The following EPSTI1 variants were observed in gnomAD, a reference collection of about 807,000 sequenced individuals.
The protein encoded by EPSTI1 is epithelial-stromal interaction protein 1.
A neutral mutation model predicts 49.9 loss-of-function variants in EPSTI1; 66 were observed. That is an observed-to-expected ratio of 1.32 (90% CI 1.08 to 1.62). The LOEUF (loss-of-function observed/expected upper bound fraction) is 1.62. Among genes scored for constraint, EPSTI1 ranks in the 40% most tolerant of loss-of-function variants. EPSTI1 has a pLI of 0.00. For missense variants in EPSTI1, 394 were observed against 365.5 expected (o/e 1.08, Z -0.64); for synonymous variants, 137 against 130.7 (o/e 1.05, Z -0.33).
At chr13:42,971,729 C>G (rs2039772981) in intron 1 of EPSTI1, among the ~76,000 whole-genome samples, 1 of 152,208 alleles carries the variant, frequency 6.6e-6, no homozygotes, top group African/African-American at 2.4e-5. Context: ...CACTGATCAA[C>G]AGAAGCCATT....
chr13:42,958,642 A>G (rs1284308036), intron 5 of EPSTI1, among the ~76,000 whole-genome samples: 1 of 152,312 alleles, frequency 6.6e-6, no homozygotes, highest in Admixed American at 6.5e-5. Context: ...AGAGTAAGAA[A>G]AGAGAAAAAT....
intron 1 of EPSTI1, among the ~76,000 whole-genome samples, chr13:42,986,030 T>C (rs539578992): frequency 6.6e-6 from 1 of 152,330 alleles, no homozygotes; most frequent in Admixed American, 6.5e-5. Context: ...TATGGGTCTG[T>C]TGCTGCCCAG....
intron 5 of EPSTI1, among the ~76,000 whole-genome samples, chr13:42,959,764 G>A (rs2039388651): frequency 6.6e-6 from 1 of 152,176 alleles, no homozygotes; most frequent in South Asian, 2.1e-4. Context: ...TGAATTCTCT[G>A]AGGTTATGAT....
chr13:42,972,425 C>G (rs60446225), intron 1 of EPSTI1, among the ~76,000 whole-genome samples: 1 of 152,126 alleles, frequency 6.6e-6, no homozygotes, highest in South Asian at 2.1e-4. Flanking sequence ...ATCAAGCTAT[C>G]TTAGAACATT....
chr13:42,908,172 A>G (rs1294402313), intron 8 of EPSTI1, among the ~76,000 whole-genome samples: 1 of 152,252 alleles, frequency 6.6e-6, no homozygotes, highest in African/African-American at 2.4e-5. Flanking sequence ...AAAACCTGAA[A>G]CTAGGAAAGT....
Position 42,922,417 on chromosome 13 carries a change from T to C in EPSTI1, c.657+3919A>G, listed in dbSNP as rs979310535. Among the ~76,000 whole-genome samples the C allele has an allele frequency of 6.6e-6, 1 of 151,674 alleles. No individual in the cohort carries two copies. Among genetic ancestry groups the C allele is most frequent in the Non-Finnish European group, 1.5e-5 (1 of 67,998 alleles). The stretch of plus-strand genomic sequence containing the variant: ...AGGAAGGCAGAAAGGTCAGGGAGGG[T>C]GCAGAAGGTTGGGTGAGATGGAAGC... On this transcript the variant is annotated intron_variant, in intron 7 of 10. Transcript: ENST00000313624. This position sits in a 1 kb window ranked among gnomAD's most constrained non-coding sequence, Gnocchi z 4.8.
At chr13:42,927,978 A>C (rs73470109) in intron 6 of EPSTI1, among the ~76,000 whole-genome samples, 36 of 152,316 alleles carry the variant, frequency 2.4e-4, no homozygotes, top group African/African-American at 8.7e-4. Context: ...GCAAGGAAGA[A>C]ACTTCAGACC....
intron 1 of EPSTI1, among the ~76,000 whole-genome samples, chr13:42,990,175 GAAA>G (rs35599695): frequency 8.9e-6 from 1 of 112,602 alleles, no homozygotes; most frequent in African/African-American, 3.2e-5. Flanking sequence ...TTCACATGAG[GAAA>G]AAAAAAAAAA....
chr13:42,888,209 CT>C lies in EPSTI1; in HGVS notation c.*284del. The C allele has an allele frequency of 1.2e-6, 2 of 1,603,278 alleles. No homozygotes were observed. Among genetic ancestry groups the C allele is most frequent in the Non-Finnish European group, 1.7e-6 (2 of 1,173,194 alleles). On this transcript the variant is annotated 3_prime_UTR_variant, in exon 11 of 11. Coordinates refer to ENST00000313624, the MANE Select transcript of EPSTI1 (RefSeq NM_033255.5). ...ACCTGAAAGCATCAAGTGACTCCCT[CT>C]TTTTCTACCCTACCAACATCACTCT...
chr13:42,983,090 A>G (rs998333145), intron 1 of EPSTI1, among the ~76,000 whole-genome samples: 8 of 152,250 alleles, frequency 5.3e-5, no homozygotes, highest in African/African-American at 1.9e-4. Context: ...AACTTATGTT[A>G]AATGAATGGG....
intron 1 of EPSTI1, among the ~76,000 whole-genome samples, chr13:42,980,462 A>G (rs1468618022): frequency 2.0e-5 from 3 of 152,216 alleles, no homozygotes; most frequent in Admixed American, 6.5e-5. Context: ...AAGGCAAAGG[A>G]GGAGCAAAGG....
intron 8 of EPSTI1, among the ~76,000 whole-genome samples, chr13:42,905,681 A>G (rs988396889): frequency 2.6e-5 from 4 of 152,148 alleles, no homozygotes; most frequent in Non-Finnish European, 5.9e-5. Context: ...CACGCCAACC[A>G]TTTTCCAGAT....
chr13:42,899,769 T>A (rs774191035), intron 9 of EPSTI1, among the ~76,000 whole-genome samples: 12 of 152,322 alleles, frequency 7.9e-5, no homozygotes, highest in Non-Finnish European at 1.5e-4. Context: ...CATGATATTT[T>A]ACTAGGTATT....
rs2153411590 is a variant in EPSTI1, at chr13:42,900,370, T to C, written c.755A>G (p.Glu252Gly). Residue 252 changes from glutamate to glycine, a missense_variant, in exon 9 of 11, where the codon GAA becomes GGA. Coordinates refer to ENST00000313624, the MANE Select transcript of EPSTI1 (RefSeq NM_033255.5). ...DEQHQKSELL[E>G]LKRQQQEQER... Reference sequence around the variant, plus strand: ...TTGCTCTTGCTGCTGCCGTTTCAGTTCCAGTAATTCACTCTAGGAACAATA... The same window carrying C: ...TTGCTCTTGCTGCTGCCGTTTCAGTCCCAGTAATTCACTCTAGGAACAATA... 1 of 1,613,678 alleles carries C rather than the reference T, an allele frequency of 6.2e-7. No individual in the cohort carries two copies. Among genetic ancestry groups the C allele is most frequent in the Non-Finnish European group, 8.5e-7 (1 of 1,179,712 alleles).
rs66702221 is a variant in EPSTI1 at position 42,970,683 on chromosome 13, GAA to G, written c.189-15_189-14del. ...GTATGCACTTGTGCTAAAAGGAAGAGAAAAAAAAATGCTTATTACCATGAGAA... is the reference window on the plus strand; with the variant it reads ...GTATGCACTTGTGCTAAAAGGAAGAGAAAAAAATGCTTATTACCATGAGAA... On this transcript the variant is annotated splice_polypyrimidine_tract_variant and intron_variant, in intron 1 of 10. Coordinates refer to ENST00000313624, the MANE Select transcript of EPSTI1 (RefSeq NM_033255.5). 1.6e-5 allele frequency: 25 copies of G among 1,577,474 alleles called. No individual in the cohort carries two copies. The highest frequency in any genetic ancestry group is 8.2e-5 in the African/African-American group (6 of 72,858).
rs532477601 is a variant in EPSTI1, at chr13:42,922,200, T to A, written c.657+4136A>T. On this transcript the variant is annotated intron_variant, in intron 7 of 10. Transcript: ENST00000313624. This position sits in a 1 kb window ranked among gnomAD's most constrained non-coding sequence, Gnocchi z 4.8. Reference sequence around the variant, plus strand: ...AGATACCAACACATATTAACAGATATTCGGAGCTAACTAAGAAAAGAAACA... The same window carrying A: ...AGATACCAACACATATTAACAGATAATCGGAGCTAACTAAGAAAAGAAACA... Among the ~76,000 whole-genome samples the A allele has an allele frequency of 4.7e-4, 71 of 152,280 alleles. No homozygotes were observed. Among genetic ancestry groups the A allele is most frequent in the African/African-American group, 1.7e-3 (70 of 41,558 alleles).
At chr13:42,889,368 C>T (rs1423181827) in intron 10 of EPSTI1, 2 of 603,868 alleles carry the variant, frequency 3.3e-6, no homozygotes, top group Non-Finnish European at 5.4e-6. Context: ...ATCAATCCAC[C>T]TAACATACAC....
intron 6 of EPSTI1, among the ~76,000 whole-genome samples, chr13:42,948,974 C>A (rs1329744073): frequency 1.3e-5 from 2 of 152,130 alleles, no homozygotes; most frequent in East Asian, 3.9e-4. Flanking sequence ...CTAAATGCCC[C>A]CTCCCTTTTG....
chr13:42,898,198 G>A (rs2037251700), intron 9 of EPSTI1, among the ~76,000 whole-genome samples: 1 of 152,182 alleles, frequency 6.6e-6, no homozygotes, highest in Admixed American at 6.6e-5. Flanking sequence ...TTTCTGCAAT[G>A]TGAACTTTTA....
Sources: gnomAD v4.1 joint callset for allele counts (sites outside exome capture counted in the v4.1 genomes callset) on GRCh38, gnomAD v4.1.1 for gene constraint, Gnocchi (gnomAD v3.1) non-coding constraint, MANE v1.5 for transcripts, NCBI Gene and HGNC (gene_info 2026-07-23, HGNC 2026-07-21) for gene names.